The following FNDC3B variants were observed in gnomAD, a reference collection of about 807,000 sequenced individuals.
FNDC3B encodes the protein fibronectin type III domain containing 3B, also known as fibronectin type III domain-containing protein 3B.
FNDC3B carries 12 observed loss-of-function variants against 151.5 expected under a neutral mutation model. The ratio of observed to expected loss-of-function variants is 0.08; its 90% CI spans 0.05 to 0.13. The LOEUF is 0.13. FNDC3B is among the 10% of genes least tolerant of loss of function. FNDC3B has a pLI of 1.00. For synonymous variants in FNDC3B, 528 were observed against 549.0 expected (o/e 0.96, Z 0.54); for missense variants, 1,214 against 1,505.3 (o/e 0.81, Z 3.20).
chr3:172,185,170 G>T (rs1035934899), intron 3 of FNDC3B, among the ~76,000 whole-genome samples: 2 of 152,096 alleles, frequency 1.3e-5, no homozygotes, highest in African/African-American at 2.4e-5. Context: ...TCATCCATTT[G>T]GTTTGGTTCT....
intron 3 of FNDC3B, among the ~76,000 whole-genome samples, chr3:172,185,522 C>T (rs147775237): frequency 6.5e-4 from 99 of 152,204 alleles, no homozygotes; most frequent in African/African-American, 2.1e-3. Flanking sequence ...ATGTATCTAC[C>T]GTATTTTCAA....
intron 1 of FNDC3B, among the ~76,000 whole-genome samples, chr3:172,093,531 T>A (rs894954864): frequency 3.3e-5 from 5 of 152,196 alleles, no homozygotes; most frequent in Admixed American, 2.6e-4. Flanking sequence ...ATGCTGGGAT[T>A]ACAGGCGTGA....
chr3:172,312,201 G>A (rs1231649476), intron 11 of FNDC3B, among the ~76,000 whole-genome samples: 2 of 152,226 alleles, frequency 1.3e-5, no homozygotes, highest in African/African-American at 2.4e-5. Flanking sequence ...ACTTTCTGCA[G>A]AAGCATATTT....
intron 6 of FNDC3B, among the ~76,000 whole-genome samples, chr3:172,281,394 G>A (rs1010551588): frequency 2.0e-5 from 3 of 152,026 alleles, no homozygotes; most frequent in African/African-American, 2.4e-5. Flanking sequence ...GCAGGTGTGC[G>A]CCACCACGCC....
At chr3:172,243,544 A>T (rs1458583638) in intron 4 of FNDC3B, among the ~76,000 whole-genome samples, 2 of 152,152 alleles carry the variant, frequency 1.3e-5, no homozygotes, top group Admixed American at 6.6e-5. Flanking sequence ...TGACACTTAA[A>T]TCACCATCAT....
At chr3:172,208,925 A>G (rs1725573130) in intron 3 of FNDC3B, among the ~76,000 whole-genome samples, 1 of 152,134 alleles carries the variant, frequency 6.6e-6, no homozygotes. Flanking sequence ...GCTGGACCAG[A>G]CATACCACAA....
chr3:172,081,147 A>T lies in FNDC3B; in HGVS notation c.-28-31305A>T, dbSNP rs190027699. Among the ~76,000 whole-genome samples, 583 of 152,318 alleles carry T rather than the reference A, an allele frequency of 3.8e-3. 3 individuals carry two copies. The highest frequency in any genetic ancestry group is 6.7e-3 in the Non-Finnish European group (454 of 68,016). ...ACTCTCTTCAGGATTGATCATAGGT[A>T]TTGATTGGCACTAGTGGTTTACAGA... On this transcript the variant is annotated intron_variant, in intron 1 of 25. Coordinates refer to ENST00000415807, the MANE Select transcript of FNDC3B (RefSeq NM_022763.4).
At chr3:172,073,316 GCCCACTTTCCATTTGTAATT>G (rs1234850495) in intron 1 of FNDC3B, among the ~76,000 whole-genome samples, 1 of 152,172 alleles carries the variant, frequency 6.6e-6, no homozygotes, top group African/African-American at 2.4e-5. Context: ...GGTCCTGTTT[GCCCACTTTCCATTTGTAATT>G]CTCAAGTGTA....
At chr3:172,258,888 T>C (rs1490343802) in intron 6 of FNDC3B, among the ~76,000 whole-genome samples, 1 of 152,226 alleles carries the variant, frequency 6.6e-6, no homozygotes, top group Non-Finnish European at 1.5e-5. Flanking sequence ...CTCTTTCTCT[T>C]GTAAGCTTTT....
intron 17 of FNDC3B, among the ~76,000 whole-genome samples, chr3:172,342,354 T>G (rs1733371247): frequency 2.0e-5 from 3 of 152,242 alleles, no homozygotes; most frequent in African/African-American, 7.2e-5. Context: ...AAGGTGGCAC[T>G]GAGGCTGAAC....
intron 3 of FNDC3B, among the ~76,000 whole-genome samples, chr3:172,168,168 A>G (rs1017316729): frequency 6.6e-6 from 1 of 152,214 alleles, no homozygotes; most frequent in Non-Finnish European, 1.5e-5. Context: ...TCAAATTGTT[A>G]TATTTAGTCA....
intron 6 of FNDC3B, among the ~76,000 whole-genome samples, chr3:172,283,617 T>C (rs1290458671): frequency 6.6e-6 from 1 of 152,246 alleles, no homozygotes; most frequent in African/African-American, 2.4e-5. Flanking sequence ...AACATAACTA[T>C]GTGAGTGTTT....
At chr3:172,140,953 T>C (rs550668185) in intron 3 of FNDC3B, among the ~76,000 whole-genome samples, 2 of 152,328 alleles carry the variant, frequency 1.3e-5, no homozygotes, top group South Asian at 2.1e-4. Flanking sequence ...GGTGTTGAGT[T>C]CTCAGAGTAC....
At chr3:172,269,071 G>C (rs149658330) in intron 6 of FNDC3B, among the ~76,000 whole-genome samples, 13 of 152,138 alleles carry the variant, frequency 8.5e-5, no homozygotes, top group African/African-American at 3.1e-4. Flanking sequence ...GAAATCTTAA[G>C]TGGAGAGAAT....
chr3:172,148,633 G>T (rs373803931), intron 3 of FNDC3B: 9 of 152,140 alleles, frequency 5.9e-5, no homozygotes, highest in African/African-American at 9.6e-5. Flanking sequence ...TTTTTCTCAC[G>T]TGGACAGAGA....
At chr3:172,341,336 G>T (rs137904650) in intron 17 of FNDC3B, 105 bp downstream of exon 17, 78 of 811,478 alleles carry the variant, frequency 9.6e-5, no homozygotes, top group Non-Finnish European at 1.6e-4. Flanking sequence ...TCTTGGTAAT[G>T]CAACCTAATA....
intron 1 of FNDC3B, among the ~76,000 whole-genome samples, chr3:172,091,427 A>C (rs1718819089): frequency 6.6e-6 from 1 of 152,236 alleles, no homozygotes; most frequent in African/African-American, 2.4e-5. Flanking sequence ...AAAGGTAGAT[A>C]TTTTCCCTTA....
At chr3:172,335,125 T>C in intron 15 of FNDC3B, 43 bp downstream of exon 15, 1 of 1,488,998 alleles carries the variant, frequency 6.7e-7, no homozygotes, top group Non-Finnish European at 9.0e-7. Context: ...TTTTTTTTTC[T>C]TTTGATAGAT....
intron 1 of FNDC3B, among the ~76,000 whole-genome samples, chr3:172,079,478 A>G (rs1718177647): frequency 6.6e-6 from 1 of 152,170 alleles, no homozygotes; most frequent in South Asian, 2.1e-4. Flanking sequence ...GACCCAAAAG[A>G]CTTCAGATAA....
Sources: allele counts gnomAD v4.1 joint callset (sites outside exome capture counted in the v4.1 genomes callset), GRCh38; gene constraint gnomAD v4.1.1; transcripts MANE v1.5; gene names NCBI Gene and HGNC (gene_info 2026-07-23, HGNC 2026-07-21).